Variants in BNC2 observed in about 807,000 individuals in gnomAD.
BNC2 encodes the protein zinc finger protein basonuclin-2.
BNC2 carries 20 observed loss-of-function variants against 76.3 expected under a neutral mutation model. The observed-to-expected ratio is 0.26, with a 90% CI of 0.18 to 0.38. BNC2 has a LOEUF of 0.38. Among genes scored for constraint, BNC2 ranks in the 10% least tolerant of loss-of-function variants. The pLI, the probability that BNC2 is intolerant of heterozygous loss-of-function variation, is 1.00. For synonymous variants in BNC2, 582 were observed against 514.8 expected (o/e 1.13, Z -1.77); for missense variants, 1,382 against 1,399.8 (o/e 0.99, Z 0.20).
intron 3 of BNC2, among the ~76,000 whole-genome samples, chr9:16,597,531 A>G (rs976078054): frequency 2.6e-5 from 4 of 152,160 alleles, no homozygotes; most frequent in Admixed American, 6.5e-5. Context: ...GCCAGACAAA[A>G]AAAACGCTGG....
intron 5 of BNC2, among the ~76,000 whole-genome samples, chr9:16,439,233 T>C (rs2130888592): frequency 6.6e-6 from 1 of 152,228 alleles, no homozygotes; most frequent in African/African-American, 2.4e-5. Context: ...TATTAGTACA[T>C]GGGAATGGAC....
intron 5 of BNC2, among the ~76,000 whole-genome samples, chr9:16,464,495 A>G (rs544363738): frequency 6.6e-6 from 1 of 152,352 alleles, no homozygotes; most frequent in African/African-American, 2.4e-5. Flanking sequence ...TAACTAGCAC[A>G]TCATACATGA....
chr9:16,732,654 CTCT>C (rs947248719), intron 2 of BNC2, among the ~76,000 whole-genome samples: 1 of 152,170 alleles, frequency 6.6e-6, no homozygotes, highest in Admixed American at 6.5e-5. Context: ...TCTGCCTTTG[CTCT>C]TCTTTTATTC....
intron 5 of BNC2, among the ~76,000 whole-genome samples, chr9:16,497,994 T>TGTGC (rs1822427996): frequency 7.9e-6 from 1 of 127,336 alleles, no homozygotes; most frequent in East Asian, 2.0e-4. Flanking sequence ...TGTGTGTGTG[T>TGTGC]GTGTGTGTGT....
At chr9:16,430,659 T>A (rs1049459313) in intron 6 of BNC2, among the ~76,000 whole-genome samples, 3 of 152,236 alleles carry the variant, frequency 2.0e-5, no homozygotes, top group African/African-American at 7.2e-5. Flanking sequence ...CCTGCACACC[T>A]GTACAGGGCT....
intron 1 of BNC2, among the ~76,000 whole-genome samples, chr9:16,761,499 A>G (rs1318502299): frequency 6.6e-6 from 1 of 152,222 alleles, no homozygotes; most frequent in East Asian, 1.9e-4. Context: ...ACTATGATAT[A>G]ATCTAAGATT....
chr9:16,542,524 C>T (rs748106429), intron 5 of BNC2, among the ~76,000 whole-genome samples: 1 of 152,204 alleles, frequency 6.6e-6, no homozygotes, highest in Non-Finnish European at 1.5e-5. Flanking sequence ...GTTCATGCAT[C>T]ACTAGCTAGT....
At chr9:16,564,127 C>T (rs552569825) in intron 4 of BNC2, among the ~76,000 whole-genome samples, 2 of 152,156 alleles carry the variant, frequency 1.3e-5, no homozygotes, top group East Asian at 3.9e-4. Flanking sequence ...TTCATGTTTC[C>T]AGTGTTTTTA....
intron 1 of BNC2, among the ~76,000 whole-genome samples, chr9:16,829,922 T>C (rs1230643657): frequency 6.6e-6 from 1 of 152,166 alleles, no homozygotes; most frequent in Non-Finnish European, 1.5e-5. Flanking sequence ...ACAAACCACC[T>C]ACTTGTGCAT....
chr9:16,788,701 T>C (rs1324087963), intron 1 of BNC2, among the ~76,000 whole-genome samples: 1 of 151,930 alleles, frequency 6.6e-6, no homozygotes, highest in African/African-American at 2.4e-5. Context: ...ATTAACAAGA[T>C]CAGTGCCTAG....
chr9:16,831,470 C>T (rs554285602), intron 1 of BNC2, among the ~76,000 whole-genome samples: 4 of 152,288 alleles, frequency 2.6e-5, no homozygotes, highest in African/African-American at 9.6e-5. Context: ...GAACTTGCAG[C>T]TAACTTTTAT....
rs76062299 is a variant in BNC2, at chr9:16,761,241, G to A, written c.4-22756C>T. On this transcript the variant is annotated intron_variant, in intron 1 of 6. Coordinates refer to ENST00000380672, the MANE Select transcript of BNC2 (RefSeq NM_017637.6). ...CCAGCCTGGCAGACAGAGTAAGACC[G>A]TCTCAAAACAAAAAACAACAACAAC... Among the ~76,000 whole-genome samples, 1,228 of 151,860 alleles carry A rather than the reference G, an allele frequency of 8.1e-3. 7 individuals carry two copies. The highest frequency in any genetic ancestry group is 0.014 in the Admixed American group (211 of 15,238).
At chr9:16,472,298 G>A (rs1821842742) in intron 5 of BNC2, among the ~76,000 whole-genome samples, 1 of 152,212 alleles carries the variant, frequency 6.6e-6, no homozygotes. Flanking sequence ...AGGGGAGAAA[G>A]GGTCAGTGTG....
intron 2 of BNC2, among the ~76,000 whole-genome samples, chr9:16,730,313 C>T (rs1014476947): frequency 6.6e-6 from 1 of 152,114 alleles, no homozygotes; most frequent in African/African-American, 2.4e-5. Flanking sequence ...AGATCATCAG[C>T]CACATTATCA....
At position 16,439,157 on chromosome 9, in the gene BNC2, C is replaced by G. The variant is rs1019710837; in HGVS notation, c.670-1633G>C. On this transcript the variant is annotated intron_variant, in intron 5 of 6. Coordinates refer to ENST00000380672, the MANE Select transcript of BNC2 (RefSeq NM_017637.6). ...TGCCATGATTGTGGGGCCTCCCCGG[C>G]CATGTGGAATTATGAGTCCATTAAA... Among the ~76,000 whole-genome samples the G allele has an allele frequency of 7.2e-5, 11 of 152,270 alleles. No homozygotes were observed. The East Asian group carries it at 1.7e-3, about 24-fold the overall frequency.
chr9:16,685,578 G>A lies in BNC2; in HGVS notation c.330+42219C>T, dbSNP rs377296161. 2.3e-4 allele frequency: 306 copies of A among 1,304,284 alleles called. No individual in the cohort carries two copies. In the African/African-American group the frequency reaches 3.7e-3, roughly 16 times the overall value. The allele number at this position is 1,304,284 out of a possible 1,614,324, so 80.8% of individuals were successfully genotyped here. A position where few individuals can be genotyped will look rare whatever the true frequency, so the allele number is the denominator to read the frequency against. On this transcript the variant is annotated intron_variant, in intron 3 of 6. Transcript: ENST00000380672. ...CCAGCCTGTGGTATGGCTCCTCCAG[G>A]TTTGGGCAGAAGTCTGCCCCCAGCA...
chr9:16,522,914 C>G (rs763831849), intron 5 of BNC2, among the ~76,000 whole-genome samples: 1 of 152,106 alleles, frequency 6.6e-6, no homozygotes, highest in Non-Finnish European at 1.5e-5. Flanking sequence ...ATCTATCAAG[C>G]CTAAAACCAT....
At chr9:16,505,007 A>G (rs920590799) in intron 5 of BNC2, among the ~76,000 whole-genome samples, 1 of 152,258 alleles carries the variant, frequency 6.6e-6, no homozygotes, top group African/African-American at 2.4e-5. Flanking sequence ...TCAACTGTCC[A>G]GGTTTGAAAC....
chr9:16,558,925 C>T (rs1055851086), intron 4 of BNC2, among the ~76,000 whole-genome samples: 3 of 144,510 alleles, frequency 2.1e-5, no homozygotes, highest in African/African-American at 7.9e-5. Flanking sequence ...CAGAGCAAGA[C>T]TCCGTCTCAA....
Sources: allele counts gnomAD v4.1 joint callset (sites outside exome capture counted in the v4.1 genomes callset), GRCh38; gene constraint gnomAD v4.1.1; transcripts MANE v1.5; gene names NCBI Gene and HGNC (gene_info 2026-07-23, HGNC 2026-07-21).